The following RFLNA variants were observed in gnomAD, a reference collection of about 807,000 sequenced individuals.
The protein encoded by RFLNA is refilin A.
In RFLNA, 5 loss-of-function variants were observed where a neutral mutation model predicts 7.8. That is an observed-to-expected ratio of 0.64 (90% CI 0.34 to 1.35). RFLNA has a LOEUF of 1.35. Ranked by LOEUF, RFLNA falls within the 40% of genes most tolerant of loss-of-function variation. The probability of loss-of-function intolerance (pLI) is 0.04; values close to 1 mark genes in which losing one functional copy is unlikely to be tolerated. For missense variants in RFLNA, 278 were observed against 305.5 expected (o/e 0.91, Z 0.67); for synonymous variants, 141 against 131.3 (o/e 1.07, Z -0.50).
At chr12:124,299,485 C>A (rs1353162212) in intron 1 of RFLNA, among the ~76,000 whole-genome samples, 1 of 152,224 alleles carries the variant, frequency 6.6e-6, no homozygotes, top group East Asian at 1.9e-4. Context: ...CCCAATTTGT[C>A]ATCTCTTATC....
At chr12:124,298,726 G>T (rs1055236564) in intron 1 of RFLNA, among the ~76,000 whole-genome samples, 1 of 152,246 alleles carries the variant, frequency 6.6e-6, no homozygotes, top group Non-Finnish European at 1.5e-5. Context: ...TGTCCTTAAG[G>T]CCAGAAGCTG....
chr12:124,307,676 C>T (rs943364463), intron 1 of RFLNA, among the ~76,000 whole-genome samples: 11 of 152,158 alleles, frequency 7.2e-5, no homozygotes, highest in African/African-American at 2.4e-4. Flanking sequence ...GAGGGCTGGG[C>T]GGCGCAGGCC....
At chr12:124,310,367 C>T (rs986943707) in intron 1 of RFLNA, among the ~76,000 whole-genome samples, 2 of 150,960 alleles carry the variant, frequency 1.3e-5, no homozygotes, top group African/African-American at 2.4e-5. Flanking sequence ...GGAACACTTC[C>T]GGAGGGAAGA....
upstream of RFLNA, among the ~76,000 whole-genome samples, chr12:124,291,437 A>T (rs1009248767): frequency 2.0e-5 from 3 of 151,992 alleles, no homozygotes; most frequent in African/African-American, 7.3e-5. Context: ...AAGTATTTTT[A>T]GTAGAGACGG....
At position 124,302,650 on chromosome 12, in the gene RFLNA, C is replaced by T. The variant is rs1230575483; in HGVS notation, c.207+7014C>T. 2.0e-5 allele frequency among the ~76,000 whole-genome samples: 3 copies of T among 152,198 alleles called. No individual in the cohort carries two copies. In the East Asian group the frequency reaches 5.8e-4, roughly 29 times the overall value. Reference sequence around the variant, plus strand: ...AAATGCCCCTCCTTGGTTCATCTTCCCCATGGGTGATGGTCAAGATTAACC... The same window carrying T: ...AAATGCCCCTCCTTGGTTCATCTTCTCCATGGGTGATGGTCAAGATTAACC... On this transcript the variant is annotated intron_variant, in intron 1 of 2. Coordinates refer to ENST00000546355, the MANE Select transcript of RFLNA (RefSeq NM_001365156.1).
intron 1 of RFLNA, among the ~76,000 whole-genome samples, chr12:124,308,635 T>C (rs2034180324): frequency 6.6e-6 from 1 of 152,242 alleles, no homozygotes; most frequent in Non-Finnish European, 1.5e-5. Context: ...CTTGGGTTCC[T>C]GCCTCCACCC....
At chr12:124,290,295 T>A (rs990932414), upstream of RFLNA, among the ~76,000 whole-genome samples, 2 of 152,192 alleles carry the variant, frequency 1.3e-5, no homozygotes, top group East Asian at 3.8e-4. The surrounding 1 kb of genome is among the most constrained non-coding windows in gnomAD (Gnocchi z 4.0). Context: ...TATGTGCATG[T>A]GTTAGTGTGT....
chr12:124,295,561 GC>G lies in RFLNA; in HGVS notation c.135del (p.Gly46AlafsTer37). Reference protein sequence around the residue: ...SPSPPFYSLAPGILDARAGGA... With the variant: ...SPSPPFYSLAXGILDARAGGA... ...CCAGCCCGCCCTTCTACTCCCTGGC[GC>G]CCGGCATCCTCGACGCGCGCGCGGG... On this transcript the variant is annotated frameshift_variant, in exon 1 of 3. Coordinates refer to ENST00000546355, the MANE Select transcript of RFLNA (RefSeq NM_001365156.1). LOFTEE classifies it high-confidence loss of function. 1 of 1,216,442 alleles carries G rather than the reference GC, an allele frequency of 8.2e-7. No homozygotes were observed. Among genetic ancestry groups the G allele is most frequent in the Non-Finnish European group, 1.0e-6 (1 of 980,846 alleles). 75.4% of individuals were successfully genotyped at this position (1,216,442 alleles called of 1,614,324 possible). A position where few individuals can be genotyped will look rare whatever the true frequency, so the allele number is the denominator to read the frequency against.
chr12:124,308,963 T>A lies in RFLNA; in HGVS notation c.208-2855T>A, dbSNP rs543337261. Among the ~76,000 whole-genome samples, 3 of 152,336 alleles carry A rather than the reference T, an allele frequency of 2.0e-5. No homozygotes were observed. The East Asian group carries it at 5.8e-4, about 29-fold the overall frequency. ...GCTGCCAGCGCGTGGCGGGTGCGAC[T>A]GAGGAATGGCGTTTTTCAACCTACT... On this transcript the variant is annotated intron_variant, in intron 1 of 2. Coordinates refer to ENST00000546355, the MANE Select transcript of RFLNA (RefSeq NM_001365156.1).
chr12:124,309,700 C>T (rs1345731144), intron 1 of RFLNA, among the ~76,000 whole-genome samples: 3 of 152,202 alleles, frequency 2.0e-5, no homozygotes, highest in Non-Finnish European at 4.4e-5. Flanking sequence ...CTTGCCAGGC[C>T]CCCTGCTATC....
chr12:124,303,161 G>A (rs1464609459), intron 1 of RFLNA, among the ~76,000 whole-genome samples: 1 of 152,222 alleles, frequency 6.6e-6, no homozygotes, highest in African/African-American at 2.4e-5. Flanking sequence ...CAGACTCCAG[G>A]TCTGGCAGGC....
At chr12:124,311,126 T>C (rs549992655) in intron 1 of RFLNA, among the ~76,000 whole-genome samples, 22 of 152,336 alleles carry the variant, frequency 1.4e-4, no homozygotes, top group Admixed American at 1.2e-3. Context: ...TCCACAGCTC[T>C]GGAGGAGAAC....
At chr12:124,304,943 A>G (rs1173262772) in intron 1 of RFLNA, among the ~76,000 whole-genome samples, 3 of 152,214 alleles carry the variant, frequency 2.0e-5, no homozygotes, top group African/African-American at 7.2e-5. Flanking sequence ...AAACACCTGC[A>G]CGCACTTGGG....
upstream of RFLNA, among the ~76,000 whole-genome samples, chr12:124,293,262 C>T (rs1021553439): frequency 4.6e-5 from 7 of 152,178 alleles, no homozygotes; most frequent in Non-Finnish European, 7.4e-5. Flanking sequence ...GACAGAGGAA[C>T]CCTGCAATTC....
upstream of RFLNA, among the ~76,000 whole-genome samples, chr12:124,292,759 G>A (rs967082586): frequency 2.0e-5 from 3 of 152,186 alleles, no homozygotes; most frequent in Non-Finnish European, 2.9e-5. Flanking sequence ...CTTGATAAGC[G>A]GGCTTCTAGA....
intron 1 of RFLNA, among the ~76,000 whole-genome samples, chr12:124,299,807 C>T (rs987737561): frequency 6.7e-6 from 1 of 149,676 alleles, no homozygotes; most frequent in Middle Eastern, 3.2e-3. Flanking sequence ...GTGAGTAACA[C>T]AGCTGCTGCC....
At chr12:124,307,914 G>T (rs1043685533) in intron 1 of RFLNA, among the ~76,000 whole-genome samples, 1 of 151,884 alleles carries the variant, frequency 6.6e-6, no homozygotes, top group Non-Finnish European at 1.5e-5. Context: ...GGCTCCAGGT[G>T]CTCCTTGGCT....
At chr12:124,297,691 AT>A (rs11358694) in intron 1 of RFLNA, among the ~76,000 whole-genome samples, 127,323 of 151,882 alleles carry the variant, frequency 0.84, 53,758 homozygotes, top group Non-Finnish European at 0.89. Context: ...ACTACCTGTG[AT>A]TTTTTTTTTA....
chr12:124,293,004 A>G (rs866608469), upstream of RFLNA, among the ~76,000 whole-genome samples: 56 of 152,192 alleles, frequency 3.7e-4, 1 homozygote, highest in Middle Eastern at 0.014. Flanking sequence ...GCTCACTGCA[A>G]CCTCCACCTC....
Sources: gnomAD v4.1 joint callset for allele counts (sites outside exome capture counted in the v4.1 genomes callset) on GRCh38, gnomAD v4.1.1 for gene constraint, Gnocchi (gnomAD v3.1) non-coding constraint, MANE v1.5 for transcripts, NCBI Gene and HGNC (gene_info 2026-07-23, HGNC 2026-07-21) for gene names.